The following GAB1 variants were observed in gnomAD, a reference collection of about 807,000 sequenced individuals.
The protein encoded by GAB1 is GRB2-associated-binding protein 1.
In GAB1, 19 loss-of-function variants were observed where a neutral mutation model predicts 66.5. The observed-to-expected ratio is 0.29, with a 90% CI of 0.20 to 0.42. The LOEUF (loss-of-function observed/expected upper bound fraction) is 0.42, where lower values mean the gene tolerates loss of function less well. GAB1 is among the 10% of genes least tolerant of loss of function. GAB1 has a pLI of 1.00. For synonymous variants in GAB1, 294 were observed against 301.4 expected (o/e 0.98, Z 0.25); for missense variants, 732 against 858.5 (o/e 0.85, Z 1.84).
At chr4:143,350,569 T>G (rs898231544) in intron 1 of GAB1, among the ~76,000 whole-genome samples, 2 of 150,918 alleles carry the variant, frequency 1.3e-5, no homozygotes, top group African/African-American at 4.9e-5. Flanking sequence ...TTCTAGCTAC[T>G]CAGGAGGCTG....
chr4:143,390,046 T>A (rs1731108136), intron 1 of GAB1, among the ~76,000 whole-genome samples: 1 of 152,156 alleles, frequency 6.6e-6, no homozygotes, highest in African/African-American at 2.4e-5. Context: ...ATAATAAACA[T>A]AATATTAGAC....
At chr4:143,342,650 C>T (rs1228531661) in intron 1 of GAB1, among the ~76,000 whole-genome samples, 6 of 149,024 alleles carry the variant, frequency 4.0e-5, no homozygotes, top group African/African-American at 1.2e-4. Flanking sequence ...CTCCATCTCC[C>T]GGATTTAACT....
intron 2 of GAB1, among the ~76,000 whole-genome samples, chr4:143,418,340 C>T (rs927769664): frequency 6.6e-6 from 1 of 152,162 alleles, no homozygotes; most frequent in Non-Finnish European, 1.5e-5. Flanking sequence ...AGTTAAAACC[C>T]TTTCCTGTTT....
intron 1 of GAB1, among the ~76,000 whole-genome samples, chr4:143,406,617 C>G (rs975763406): frequency 6.6e-6 from 1 of 152,238 alleles, no homozygotes; most frequent in Admixed American, 6.5e-5. Context: ...ACATCCTGAC[C>G]TGAGCTCACT....
intron 2 of GAB1, among the ~76,000 whole-genome samples, chr4:143,427,399 C>T (rs1411054571): frequency 6.6e-5 from 10 of 152,074 alleles, no homozygotes; most frequent in Non-Finnish European, 1.5e-4. Flanking sequence ...GTTTGATGGC[C>T]TGAAGGCGAG....
chr4:143,402,259 G>A (rs28925877), intron 1 of GAB1, among the ~76,000 whole-genome samples: 4,562 of 152,220 alleles, frequency 0.03, 100 homozygotes, highest in Non-Finnish European at 0.039. Flanking sequence ...TGCCCTAGGC[G>A]ATCCAGGTTG....
intron 1 of GAB1, among the ~76,000 whole-genome samples, chr4:143,412,264 C>T (rs180998692): frequency 8.5e-5 from 13 of 152,254 alleles, no homozygotes; most frequent in Non-Finnish European, 5.9e-5. Context: ...TTGCCATTTT[C>T]CCAAGATGTT....
At chr4:143,408,538 T>A (rs1351984896) in intron 1 of GAB1, among the ~76,000 whole-genome samples, 1 of 151,968 alleles carries the variant, frequency 6.6e-6, no homozygotes, top group Non-Finnish European at 1.5e-5. Context: ...CCGCACCTTG[T>A]TTTTTTTACT....
intron 1 of GAB1, among the ~76,000 whole-genome samples, chr4:143,366,956 A>G (rs1729907647): frequency 1.3e-5 from 2 of 151,916 alleles, no homozygotes; most frequent in Non-Finnish European, 2.9e-5. Context: ...ACTATCTCAA[A>G]TGGTACTTTT....
intron 2 of GAB1, among the ~76,000 whole-genome samples, chr4:143,423,793 T>C (rs1733158499): frequency 2.7e-4 from 1 of 3,752 alleles, no homozygotes; most frequent in Non-Finnish European, 4.8e-4. Context: ...AAAAAAAGTG[T>C]ATATATATAT....
chr4:143,434,225 C>T, intron 3 of GAB1: 1 of 773,384 alleles, frequency 1.3e-6, no homozygotes, highest in Non-Finnish European at 1.9e-6. Context: ...AAGGTAAAAT[C>T]CCAATATAGC....
At chr4:143,436,567 G>A (rs995180178) in intron 3 of GAB1, among the ~76,000 whole-genome samples, 3 of 152,246 alleles carry the variant, frequency 2.0e-5, no homozygotes, top group Admixed American at 2.0e-4. Context: ...ACTTGGGATG[G>A]TGGCAATGGG....
chr4:143,351,827 C>G (rs1443962058), intron 1 of GAB1, among the ~76,000 whole-genome samples: 3 of 152,218 alleles, frequency 2.0e-5, no homozygotes, highest in Admixed American at 6.5e-5. Context: ...ACAGATTTAT[C>G]TGGCTCAGAA....
At chr4:143,429,264 G>A (rs1733528161) in intron 2 of GAB1, among the ~76,000 whole-genome samples, 1 of 152,034 alleles carries the variant, frequency 6.6e-6, no homozygotes, top group Admixed American at 6.6e-5. Context: ...CACCACACCT[G>A]GCTAATTTTT....
chr4:143,468,051 G>T (rs1029566961), intron 9 of GAB1, among the ~76,000 whole-genome samples: 3 of 152,020 alleles, frequency 2.0e-5, no homozygotes, highest in Admixed American at 2.0e-4. Flanking sequence ...TTTCTTGTTA[G>T]CTCTCAAAGT....
At chr4:143,451,252 C>T (rs1024950819) in intron 6 of GAB1, among the ~76,000 whole-genome samples, 4 of 152,092 alleles carry the variant, frequency 2.6e-5, no homozygotes, top group African/African-American at 4.8e-5. Flanking sequence ...AGGATCTTCT[C>T]GTTAGAATAA....
At chr4:143,368,820 T>C (rs1729993531) in intron 1 of GAB1, among the ~76,000 whole-genome samples, 2 of 152,148 alleles carry the variant, frequency 1.3e-5, no homozygotes, top group African/African-American at 4.8e-5. Context: ...TTTTTCTTTT[T>C]GAGATAGAGG....
At chr4:143,394,413 T>A (rs1328801393) in intron 1 of GAB1, among the ~76,000 whole-genome samples, 1 of 152,224 alleles carries the variant, frequency 6.6e-6, no homozygotes, top group Admixed American at 6.5e-5. Context: ...AATCTGTGTG[T>A]CCAATTTAAA....
intron 2 of GAB1, among the ~76,000 whole-genome samples, chr4:143,423,874 A>T (rs1303760991): frequency 2.9e-5 from 4 of 136,826 alleles, no homozygotes; most frequent in South Asian, 2.5e-4. Flanking sequence ...TTTTTTTTTA[A>T]AAAAAAGGAA....
Sources: gnomAD v4.1 joint callset for allele counts (sites outside exome capture counted in the v4.1 genomes callset) on GRCh38, gnomAD v4.1.1 for gene constraint, MANE v1.5 for transcripts, NCBI Gene and HGNC (gene_info 2026-07-23, HGNC 2026-07-21) for gene names.